The following CNOT4 variants were observed in gnomAD, a reference collection of about 807,000 sequenced individuals.
CNOT4 encodes CCR4-associated factor 4.
In CNOT4, 8 loss-of-function variants were observed where a neutral mutation model predicts 73.8. That is an observed-to-expected ratio of 0.11 (90% confidence interval 0.06 to 0.20). The LOEUF (loss-of-function observed/expected upper bound fraction) is 0.20, where lower values mean the gene tolerates loss of function less well. Ranked by LOEUF, CNOT4 falls within the 10% of genes least tolerant of loss-of-function variation. The probability of loss-of-function intolerance (pLI) is 1.00; values close to 1 mark genes in which losing one functional copy is unlikely to be tolerated. For missense variants in CNOT4, 564 were observed against 883.4 expected, an observed-to-expected ratio of 0.64 and a Z score of 4.58; for synonymous variants, 293 against 321.1, an observed-to-expected ratio of 0.91 and a Z score of 0.94.
intron 10 of CNOT4, among the ~76,000 whole-genome samples, chr7:135,365,802 T>G (rs955751230): frequency 6.6e-6 from 1 of 152,192 alleles, no homozygotes; most frequent in Non-Finnish European, 1.5e-5. Flanking sequence ...AACTGGACTT[T>G]GCGGCCAGGA....
At chr7:135,397,066 C>T (rs151207453) in intron 8 of CNOT4, among the ~76,000 whole-genome samples, 47 of 151,938 alleles carry the variant, frequency 3.1e-4, no homozygotes, top group African/African-American at 1.0e-3. Context: ...AGTCTGTGAC[C>T]GCAAAAACAT....
At chr7:135,465,780 G>A (rs1801181781) in intron 1 of CNOT4, among the ~76,000 whole-genome samples, 1 of 152,048 alleles carries the variant, frequency 6.6e-6, no homozygotes, top group African/African-American at 2.4e-5. Flanking sequence ...AGGTGTGGTG[G>A]CTCATGCCTG....
chr7:135,386,045 A>G (rs963437003), intron 10 of CNOT4: 4 of 152,184 alleles, frequency 2.6e-5, no homozygotes, highest in Non-Finnish European at 5.9e-5. Context: ...TTCTAATGCA[A>G]TCTTAGAGAA....
At chr7:135,424,036 ACAAAACACACACACACAC>A (rs1042510358) in intron 2 of CNOT4, among the ~76,000 whole-genome samples, 3 of 135,140 alleles carry the variant, frequency 2.2e-5, no homozygotes, top group East Asian at 4.1e-4. Context: ...AAACAAACAA[ACAAAACACACACACACAC>A]ACACACACAC....
chr7:135,509,781 G>T, intron 1 of CNOT4, 108 bp downstream of exon 1: 1 of 357,450 alleles, frequency 2.8e-6, no homozygotes, highest in East Asian at 4.2e-5. Flanking sequence ...ATGAGGCGGG[G>T]GGTGGGGAGA....
intron 7 of CNOT4, among the ~76,000 whole-genome samples, chr7:135,402,144 C>T (rs61647433): frequency 0.037 from 5,246 of 141,224 alleles, 319 homozygotes; most frequent in African/African-American, 0.13. Context: ...GAGTCTTGCT[C>T]TGTTGCCCAG....
chr7:135,462,571 C>T (rs1800942229), intron 1 of CNOT4, among the ~76,000 whole-genome samples: 1 of 152,184 alleles, frequency 6.6e-6, no homozygotes, highest in African/African-American at 2.4e-5. Flanking sequence ...CTAATACTTC[C>T]TTATACTTTT....
intron 10 of CNOT4, among the ~76,000 whole-genome samples, chr7:135,372,555 G>GTTTTT (rs10617849): frequency 8.4e-6 from 1 of 119,290 alleles, no homozygotes; most frequent in Non-Finnish European, 1.9e-5. Flanking sequence ...TTGCTACCAT[G>GTTTTT]TTTTTTTTTT....
chr7:135,471,870 C>A (rs1801602522), intron 1 of CNOT4, among the ~76,000 whole-genome samples: 1 of 152,150 alleles, frequency 6.6e-6, no homozygotes, highest in South Asian at 2.1e-4. Flanking sequence ...CTGAAGGAGA[C>A]CTTACTATAT....
At chr7:135,369,720 C>A (rs1431114890) in intron 10 of CNOT4, among the ~76,000 whole-genome samples, 1 of 152,186 alleles carries the variant, frequency 6.6e-6, no homozygotes, top group Admixed American at 6.5e-5. Context: ...TAGGGAATAA[C>A]CTGTCTTAGC....
At chr7:135,429,948 T>A (rs186966552) in intron 2 of CNOT4, among the ~76,000 whole-genome samples, 20 of 152,260 alleles carry the variant, frequency 1.3e-4, no homozygotes, top group African/African-American at 4.8e-4. Flanking sequence ...AACTGAAATT[T>A]ATGGGGGCAA....
intron 1 of CNOT4, among the ~76,000 whole-genome samples, chr7:135,458,151 T>C (rs187720863): frequency 1.2e-3 from 182 of 152,256 alleles, no homozygotes; most frequent in African/African-American, 4.0e-3. Flanking sequence ...TCCAGGCACC[T>C]GCAATTACCA....
chr7:135,436,572 T>C (rs948946233), intron 2 of CNOT4, among the ~76,000 whole-genome samples: 2 of 151,490 alleles, frequency 1.3e-5, no homozygotes, highest in African/African-American at 2.4e-5. Context: ...AATGTTAGGG[T>C]TTTCATTTAC....
At chr7:135,455,240 C>G (rs1188165737) in intron 1 of CNOT4, among the ~76,000 whole-genome samples, 1 of 151,198 alleles carries the variant, frequency 6.6e-6, no homozygotes, top group Non-Finnish European at 1.5e-5. Flanking sequence ...TACCAGTGCA[C>G]TCCAGCCTCG....
intron 1 of CNOT4, among the ~76,000 whole-genome samples, chr7:135,500,983 CTT>C (rs869117346): frequency 2.5e-4 from 33 of 134,462 alleles, no homozygotes; most frequent in Admixed American, 3.0e-4. Flanking sequence ...TCTACTAAAC[CTT>C]TTTTTTTTTT....
chr7:135,386,977 T>C (rs1428116908), intron 10 of CNOT4: 1 of 564,672 alleles, frequency 1.8e-6, no homozygotes, highest in African/African-American at 2.0e-5. Flanking sequence ...TAACACTGAA[T>C]GCTGGAGAAG....
At chr7:135,409,215 A>G (rs1429210705) in intron 7 of CNOT4, among the ~76,000 whole-genome samples, 1 of 152,176 alleles carries the variant, frequency 6.6e-6, no homozygotes. Flanking sequence ...AACGAATAAG[A>G]TAAGTAATAG....
chr7:135,472,514 A>AAT (rs1249555091), intron 1 of CNOT4, among the ~76,000 whole-genome samples: 455 of 19,764 alleles, frequency 0.023, 2 homozygotes, highest in South Asian at 0.026. Flanking sequence ...AAAAAAAAAA[A>AAT]ATATATATAT....
intron 1 of CNOT4, among the ~76,000 whole-genome samples, chr7:135,490,893 G>A (rs1038023247): frequency 6.6e-6 from 1 of 152,242 alleles, no homozygotes; most frequent in Non-Finnish European, 1.5e-5. Flanking sequence ...CCATTACCCA[G>A]CAAGAGATGA....
Sources: gnomAD v4.1 joint callset for allele counts (sites outside exome capture counted in the v4.1 genomes callset) on GRCh38, gnomAD v4.1.1 for gene constraint, MANE v1.5 for transcripts, NCBI Gene and HGNC (gene_info 2026-07-23, HGNC 2026-07-21) for gene names.